HIF3A: variants seen among roughly 807,000 people sequenced by gnomAD.
HIF3A encodes the protein hypoxia-inducible factor 3-alpha.
Under a neutral mutation model 67.2 loss-of-function variants are expected in HIF3A, and 41 were observed. The ratio of observed to expected loss-of-function variants is 0.61; its 90% CI spans 0.48 to 0.79. The LOEUF is 0.79. HIF3A is among the 30% of genes least tolerant of loss of function. The pLI, the probability that HIF3A is intolerant of heterozygous loss-of-function variation, is 0.00. For synonymous variants in HIF3A, 356 were observed against 374.8 expected (o/e 0.95, Z 0.58); for missense variants, 855 against 898.0 (o/e 0.95, Z 0.61).
At chr19:46,313,360 A>G (rs910212911) in intron 8 of HIF3A, 81 of 976,282 alleles carry the variant, frequency 8.3e-5, no homozygotes, top group Admixed American at 3.8e-4. Context: ...TGTGGCTCAC[A>G]CCTGTAAATC....
chr19:46,314,404 A>G (rs1458952361), intron 8 of HIF3A, among the ~76,000 whole-genome samples: 1 of 146,392 alleles, frequency 6.8e-6, no homozygotes, highest in Non-Finnish European at 1.5e-5. Flanking sequence ...CAAACACAAA[A>G]ATATATATGG....
chr19:46,297,056 C>CGGA lies in HIF3A; in HGVS notation c.-19_-17dup, dbSNP rs1276298285. The CGGA allele has an allele frequency of 6.1e-6, 8 of 1,304,012 alleles. No homozygotes were observed. The highest frequency in any genetic ancestry group is 2.2e-4 in the Middle Eastern group (1 of 4,474). 80.8% of individuals were successfully genotyped at this position (1,304,012 alleles called of 1,614,324 possible). A position where few individuals can be genotyped will look rare whatever the true frequency, so the allele number is the denominator to read the frequency against. On this transcript the variant is annotated 5_prime_UTR_variant, in exon 1 of 15. Transcript: ENST00000377670. This position sits in a 1 kb window ranked among gnomAD's most constrained non-coding sequence, Gnocchi z 4.5. ...GGGGGCTAGGGGCCTCCGAGGGCTCCGGAGCGGCGACTGGCGAGCCATGGC... is the reference window on the plus strand; with the variant it reads ...GGGGGCTAGGGGCCTCCGAGGGCTCCGGAGGAGCGGCGACTGGCGAGCCATGGC...
At chr19:46,335,815 G>C (rs1971568011) in intron 14 of HIF3A, among the ~76,000 whole-genome samples, 1 of 151,940 alleles carries the variant, frequency 6.6e-6, no homozygotes, top group Non-Finnish European at 1.5e-5. Flanking sequence ...TGGAGGGGAG[G>C]ATCACTTGAG....
At position 46,329,465 on chromosome 19, in the gene HIF3A, G is replaced by A. The variant is rs774395764; in HGVS notation, c.1699G>A (p.Gly567Arg). ...GDPSASSPMA[G>R]ARKRTLAQSS... Reference sequence around the variant, plus strand: ...CCCCTCAGCATCCTCTCCCATGGCTGGGGCTCGGAAGAGGTGAGCCACAGT... The same window carrying A: ...CCCCTCAGCATCCTCTCCCATGGCTAGGGCTCGGAAGAGGTGAGCCACAGT... Residue 567 changes from glycine to arginine, a missense_variant, in exon 12 of 15, where the codon GGG (glycine) becomes AGG (arginine). Physicochemically the swap from Gly to Arg is moderately radical, Grantham distance 125 (BLOSUM62 -2). This residue lies in a region of HIF3A where 199 missense variants were observed against 193.8 expected (regional missense o/e 1.03). Transcript: ENST00000377670. 6.6e-7 allele frequency: 1 copy of A among 1,522,666 alleles called. No homozygotes were observed. Among genetic ancestry groups the A allele is most frequent in the Non-Finnish European group, 8.8e-7 (1 of 1,133,924 alleles). The allele number at this position is 1,522,666 out of a possible 1,614,324, so 94.3% of individuals were successfully genotyped here.
At chr19:46,322,315 A>G (rs899219095) in intron 10 of HIF3A, among the ~76,000 whole-genome samples, 3 of 152,110 alleles carry the variant, frequency 2.0e-5, no homozygotes, top group Non-Finnish European at 2.9e-5. Flanking sequence ...GTGTCCTCCA[A>G]TTCAATTCCG....
intron 9 of HIF3A, among the ~76,000 whole-genome samples, chr19:46,320,994 T>C (rs1970317813): frequency 6.6e-6 from 1 of 152,200 alleles, no homozygotes; most frequent in South Asian, 2.1e-4. Flanking sequence ...CCATCCTGGA[T>C]GAGCCTCCCT....
At chr19:46,335,111 G>A (rs542233907) in intron 14 of HIF3A, 125 bp downstream of exon 14, 87 of 641,188 alleles carry the variant, frequency 1.4e-4, no homozygotes, top group Non-Finnish European at 1.6e-4. Flanking sequence ...TGGTGGAAAC[G>A]GCAGCTCCTG....
intron 6 of HIF3A, chr19:46,310,713 A>C: frequency 2.5e-6 from 1 of 404,220 alleles, no homozygotes; most frequent in South Asian, 1.8e-5. Context: ...GGTGCAAAGC[A>C]CAAGTATCTA....
chr19:46,297,108 G>C lies in HIF3A; in HGVS notation c.26+6G>C. The C allele has an allele frequency of 1.6e-6, 2 of 1,250,462 alleles. No homozygotes were observed. The highest frequency in any genetic ancestry group is 2.0e-6 in the Non-Finnish European group (2 of 981,324). The allele number at this position is 1,250,462 out of a possible 1,614,324, so 77.5% of individuals were successfully genotyped here. A position where few individuals can be genotyped will look rare whatever the true frequency, so the allele number is the denominator to read the frequency against. ...CTGGGGCTGCAGCGCGCAAGGTACT[G>C]AAGTTCGGGGGCAGGAGTTCTGGGA... is the stretch of plus-strand genomic sequence containing the variant. On this transcript the variant is annotated splice_donor_region_variant and intron_variant, in intron 1 of 14. Transcript: ENST00000377670. The surrounding 1 kb of genome is among the most constrained non-coding windows in gnomAD (Gnocchi z 4.5).
In HIF3A at chr19:46,297,058, G is replaced by T. The variant is rs376360225; in HGVS notation, c.-19G>T. ...GGGCTAGGGGCCTCCGAGGGCTCCG[G>T]AGCGGCGACTGGCGAGCCATGGCGC... is the stretch of plus-strand genomic sequence containing the variant. On this transcript the variant is annotated 5_prime_UTR_variant, in exon 1 of 15. Coordinates refer to ENST00000377670, the MANE Select transcript of HIF3A (RefSeq NM_152795.4). This position sits in a 1 kb window ranked among gnomAD's most constrained non-coding sequence, Gnocchi z 4.5. The T allele has an allele frequency of 5.4e-6, 7 of 1,305,502 alleles. No homozygotes were observed. The highest frequency in any genetic ancestry group is 6.9e-6 in the Non-Finnish European group (7 of 1,017,150). 80.9% of individuals were successfully genotyped at this position (1,305,502 alleles called of 1,614,324 possible).
chr19:46,307,851 A>G (rs1169778333), intron 3 of HIF3A, among the ~76,000 whole-genome samples: 1 of 151,906 alleles, frequency 6.6e-6, no homozygotes, highest in African/African-American at 2.4e-5. Flanking sequence ...GCTTGAGCCC[A>G]GGAGGTTGAG....
chr19:46,304,656 A>G (rs1477927546), intron 2 of HIF3A, among the ~76,000 whole-genome samples: 1 of 151,828 alleles, frequency 6.6e-6, no homozygotes, highest in Non-Finnish European at 1.5e-5. Context: ...ACATACACTC[A>G]CACATAAACC....
At chr19:46,311,316 C>A (rs374528972) in intron 6 of HIF3A, among the ~76,000 whole-genome samples, 1 of 152,158 alleles carries the variant, frequency 6.6e-6, no homozygotes, top group South Asian at 2.1e-4. Context: ...TGAGGCCAGG[C>A]ATTGTGGCTC....
At chr19:46,328,724 G>A (rs1482025214) in intron 11 of HIF3A, among the ~76,000 whole-genome samples, 1 of 141,904 alleles carries the variant, frequency 7.0e-6, no homozygotes, top group Non-Finnish European at 1.5e-5. Context: ...AGGCATTTAG[G>A]TTTGTTTTTT....
intron 3 of HIF3A, among the ~76,000 whole-genome samples, chr19:46,307,371 G>C (rs534617362): frequency 6.6e-6 from 1 of 152,288 alleles, no homozygotes; most frequent in African/African-American, 2.4e-5. Context: ...GGAGGCCAAG[G>C]TGGGAGGATC....
At chr19:46,320,414 C>T (rs377346321) in intron 8 of HIF3A, 29 bp from the exon 9 acceptor site, 275 of 1,573,300 alleles carry the variant, frequency 1.7e-4, no homozygotes, top group Middle Eastern at 5.0e-4. Context: ...CTCCCTGACT[C>T]CCACCTCCCT....
Position 46,325,656 on chromosome 19 carries a change from A to G in HIF3A, c.1440+17A>G. 1.6e-5 allele frequency: 24 copies of G among 1,529,958 alleles called. No individual in the cohort carries two copies. Among genetic ancestry groups the G allele is most frequent in the Non-Finnish European group, 2.2e-5 (24 of 1,104,644 alleles). 94.8% of individuals were successfully genotyped at this position (1,529,958 alleles called of 1,614,324 possible). On this transcript the variant is annotated intron_variant, in intron 11 of 14. Coordinates refer to ENST00000377670, the MANE Select transcript of HIF3A (RefSeq NM_152795.4). ...ATAGCTCAGGTAAGGGCTGGCATGG[A>G]AGGGAGTAATCCTCAGCCCTGTGTT...
At position 46,343,061 on chromosome 19, in the gene HIF3A, T is replaced by C. The variant is rs748379334; in HGVS notation, c.*3439T>C. 6.5e-6 allele frequency: 1 copy of C among 152,732 alleles called. No individual in the cohort carries two copies. Among genetic ancestry groups the C allele is most frequent in the South Asian group, 2.1e-4 (1 of 4,824 alleles). The allele number at this position is 152,732 out of a possible 1,614,324, so 9.5% of individuals were successfully genotyped here. A position where few individuals can be genotyped will look rare whatever the true frequency, so the allele number is the denominator to read the frequency against. On this transcript the variant is annotated 3_prime_UTR_variant, in exon 15 of 15. Transcript: ENST00000377670. ...GCACAGGCACGGTGCTGTCTGCATA[T>C]TGCCAGGTGGGGAGAGAAGCCAGGA...
chr19:46,320,268 A>C, intron 8 of HIF3A, 175 bp from the exon 9 acceptor site: 2 of 572,268 alleles, frequency 3.5e-6, no homozygotes, highest in Non-Finnish European at 6.2e-6. Context: ...AGCAGTCAAC[A>C]GAAATGAAAC....
Sources: allele counts gnomAD v4.1 joint callset (sites outside exome capture counted in the v4.1 genomes callset), GRCh38; gene constraint gnomAD v4.1.1; regional missense constraint gnomAD v4.1.1; non-coding constraint Gnocchi (gnomAD v3.1); transcripts MANE v1.5; gene names NCBI Gene and HGNC (gene_info 2026-07-23, HGNC 2026-07-21).